The following GSE1 variants were observed in gnomAD, a reference collection of about 807,000 sequenced individuals.
GSE1 encodes the protein genetic suppressor element 1.
In GSE1, 32 loss-of-function variants were observed where a neutral mutation model predicts 112.6. That is an observed-to-expected ratio of 0.28 (90% confidence interval 0.21 to 0.38). GSE1 has a LOEUF of 0.38. Among genes scored for constraint, GSE1 ranks in the 10% least tolerant of loss-of-function variants. The pLI is 1.00. For synonymous variants in GSE1, 1,115 were observed against 735.6 expected (o/e 1.52, Z -8.35); for missense variants, 2,348 against 1,699.2 (o/e 1.38, Z -6.71).
chr16:85,255,781 T>G (rs977386577), intron 1 of GSE1, among the ~76,000 whole-genome samples: 1 of 152,024 alleles, frequency 6.6e-6, no homozygotes, highest in Non-Finnish European at 1.5e-5. Context: ...CTCCACCTCC[T>G]GCGCTCAAGC....
intron 13 of GSE1, 66 bp downstream of exon 13, chr16:85,666,413 GC>G: frequency 6.6e-7 from 1 of 1,524,638 alleles, no homozygotes; most frequent in Non-Finnish European, 9.1e-7. Context: ...GTTGCTGAGC[GC>G]CACAGCTGCT....
chr16:85,481,293 T>C (rs1344585039), intron 2 of GSE1, among the ~76,000 whole-genome samples: 1 of 152,176 alleles, frequency 6.6e-6, no homozygotes, highest in East Asian at 1.9e-4. Flanking sequence ...AGATAAACCA[T>C]GTAAAGCGCA....
At chr16:85,362,857 A>C (rs113702028) in intron 2 of GSE1, among the ~76,000 whole-genome samples, 35,274 of 122,832 alleles carry the variant, frequency 0.29, 5,126 homozygotes, top group Middle Eastern at 0.41. Context: ...TTTTTTTGAG[A>C]TGAGGTCTCA....
At chr16:85,238,310 C>T (rs1441080389) in intron 1 of GSE1, among the ~76,000 whole-genome samples, 2 of 152,212 alleles carry the variant, frequency 1.3e-5, no homozygotes, top group Non-Finnish European at 1.5e-5. Flanking sequence ...CCCTCAGTGC[C>T]TGTTTGTTTT....
chr16:85,488,988 G>A (rs979524844), intron 2 of GSE1, among the ~76,000 whole-genome samples: 14 of 152,092 alleles, frequency 9.2e-5, no homozygotes, highest in South Asian at 6.2e-4. Context: ...ATTCTTTCCC[G>A]CTCCATGAGG....
intron 1 of GSE1, among the ~76,000 whole-genome samples, chr16:85,335,606 G>A (rs780555435): frequency 3.9e-5 from 6 of 152,158 alleles, no homozygotes; most frequent in Non-Finnish European, 5.9e-5. Flanking sequence ...GCCGTGCACC[G>A]CAAAAGGTGC....
At chr16:85,255,554 G>A (rs1228198136) in intron 1 of GSE1, among the ~76,000 whole-genome samples, 3 of 152,026 alleles carry the variant, frequency 2.0e-5, no homozygotes, top group African/African-American at 7.2e-5. Flanking sequence ...TGGGATTACA[G>A]GCGCCCACCA....
intron 1 of GSE1, among the ~76,000 whole-genome samples, chr16:85,225,386 G>A (rs115175273): frequency 6.6e-6 from 1 of 152,192 alleles, no homozygotes; most frequent in Non-Finnish European, 1.5e-5. Flanking sequence ...AGGAGGGAAC[G>A]GGTGTGGGGC....
In GSE1 at chr16:85,666,102, G is replaced by A; in HGVS notation, c.2885G>A (p.Arg962Lys). 6.2e-7 allele frequency: 1 copy of A among 1,613,244 alleles called. No individual in the cohort carries two copies. The highest frequency in any genetic ancestry group is 8.5e-7 in the Non-Finnish European group (1 of 1,179,944). The change falls in exon 13 of 16, where the codon AGA becomes AAA. Residue 962 changes from arginine to lysine, a missense_variant. Arg to Lys is a conservative substitution (Grantham distance 26). Coordinates refer to ENST00000253458, the MANE Select transcript of GSE1 (RefSeq NM_014615.5). ...CAGGTCCGGCCCCAGGAGCTGTCGAGAGTCCAGGAGCTAGCTCCTGCCAGC... is the reference window on the plus strand; with the variant it reads ...CAGGTCCGGCCCCAGGAGCTGTCGAAAGTCCAGGAGCTAGCTCCTGCCAGC... ...LEQVRPQELSRVQELAPASGE... is the reference protein window; with the variant it reads ...LEQVRPQELSKVQELAPASGE...
rs899529296 is a variant in GSE1, at chr16:85,562,082, G to A, written c.37+5719G>A. Among the ~76,000 whole-genome samples, 4 of 152,268 alleles carry A rather than the reference G, an allele frequency of 2.6e-5. No individual in the cohort carries two copies. The East Asian group carries it at 5.8e-4, about 22-fold the overall frequency. On this transcript the variant is annotated intron_variant, in intron 1 of 2. Transcript: ENST00000635906. Reference sequence around the variant, plus strand: ...CGGAGCCACCCAAGACCCACTCTGGGCGCAGGTTAGGCCTAATGGGATCTG... The same window carrying A: ...CGGAGCCACCCAAGACCCACTCTGGACGCAGGTTAGGCCTAATGGGATCTG...
Position 85,661,475 on chromosome 16 carries a change from G to T in GSE1, c.1970G>T (p.Arg657Leu), listed in dbSNP as rs756672005. The T allele has an allele frequency of 6.2e-7, 1 of 1,611,668 alleles. No homozygotes were observed. The highest frequency in any genetic ancestry group is 8.5e-7 in the Non-Finnish European group (1 of 1,179,410). The change falls in exon 9 of 16, where the codon CGA becomes CTA. Residue 657 changes from arginine (R) to leucine (L), a missense_variant. Transcript: ENST00000253458. ...TACCAGCCACCTCCGCCGCCACCAC[G>T]AGAGGGAGGGAGCCTGGAGCACCAG... ...DKYQPPPPPP[R>L]EGGSLEHQPF...
chr16:85,276,186 T>C (rs541389084), intron 1 of GSE1, among the ~76,000 whole-genome samples: 50 of 152,376 alleles, frequency 3.3e-4, no homozygotes, highest in Non-Finnish European at 1.9e-4. Context: ...GCCTGTTGTT[T>C]CCGCCTTGCG....
At chr16:85,245,879 G>A (rs771477671) in intron 1 of GSE1, among the ~76,000 whole-genome samples, 4 of 151,326 alleles carry the variant, frequency 2.6e-5, no homozygotes, top group South Asian at 2.1e-4. Flanking sequence ...CTGCGTGTGC[G>A]TGTGTGTGTG....
At chr16:85,198,769 G>C (rs1225419949) in intron 1 of GSE1, among the ~76,000 whole-genome samples, 1 of 152,064 alleles carries the variant, frequency 6.6e-6, no homozygotes. Context: ...ATATGAGCTA[G>C]AGTGTGGGGT....
intron 2 of GSE1, among the ~76,000 whole-genome samples, chr16:85,450,345 C>T (rs1359136860): frequency 2.0e-5 from 3 of 150,442 alleles, no homozygotes; most frequent in Non-Finnish European, 4.4e-5. Context: ...CTCGAACTCC[C>T]GACTTCAGGT....
intron 15 of GSE1, among the ~76,000 whole-genome samples, chr16:85,671,600 C>G (rs1330700057): frequency 1.3e-5 from 2 of 152,082 alleles, no homozygotes; most frequent in African/African-American, 4.8e-5. Context: ...GTTGACAGAG[C>G]AAGACCACTG....
chr16:85,223,407 C>T (rs550615552), intron 1 of GSE1, among the ~76,000 whole-genome samples: 1 of 151,690 alleles, frequency 6.6e-6, no homozygotes, highest in Non-Finnish European at 1.5e-5. Flanking sequence ...CCTGTAATCC[C>T]AGCTAATCGG....
intron 1 of GSE1, chr16:85,185,010 G>A (rs554780802): frequency 1.3e-5 from 2 of 152,306 alleles, no homozygotes; most frequent in South Asian, 4.1e-4. Flanking sequence ...CAGTTGCTAA[G>A]AAAAGAGTGC....
In GSE1 at chr16:85,193,472, T is replaced by A. The variant is rs994315437; in HGVS notation, c.2283+21665T>A. Among the ~76,000 whole-genome samples the A allele has an allele frequency of 6.5e-5, 7 of 107,142 alleles. No homozygotes were observed. In the East Asian group the frequency reaches 1.2e-3, roughly 18 times the overall value. 70.3% of individuals were successfully genotyped at this position (107,142 alleles called of 152,430 possible). A position where few individuals can be genotyped will look rare whatever the true frequency, so the allele number is the denominator to read the frequency against. On this transcript the variant is annotated intron_variant, in intron 1 of 2. Coordinates refer to the GSE1 transcript ENST00000637419. ...TTCTTTTTTTTGTTTTTTGCTTTTG[T>A]TTTTTTTGAGTTGGTCTCACCCTGT...
Sources: gnomAD v4.1 joint callset for allele counts (sites outside exome capture counted in the v4.1 genomes callset) on GRCh38, gnomAD v4.1.1 for gene constraint, MANE v1.5 for transcripts, NCBI Gene and HGNC (gene_info 2026-07-23, HGNC 2026-07-21) for gene names.